WDFY4: variants seen among roughly 807,000 people sequenced by gnomAD.
WDFY4 encodes the protein WDFY family member 4.
A neutral mutation model predicts 351.9 loss-of-function variants in WDFY4; 169 were observed. That is an observed-to-expected ratio of 0.48 (90% CI 0.42 to 0.55). WDFY4 has a LOEUF of 0.55. WDFY4 is among the 20% of genes least tolerant of loss of function. WDFY4 has a pLI of 0.00. For missense variants in WDFY4, 3,803 were observed against 3,935.6 expected (o/e 0.97, Z 0.90); for synonymous variants, 1,622 against 1,574.6 (o/e 1.03, Z -0.71).
chr10:48,830,556 G>T, intron 37 of WDFY4, 144 bp from the exon 38 acceptor site: 1 of 895,338 alleles, frequency 1.1e-6, no homozygotes, highest in Non-Finnish European at 1.7e-6. Context: ...ATTGCTTCTC[G>T]CTGAAGCTTG....
chr10:48,699,583 G>A (rs895719309), intron 1 of WDFY4, among the ~76,000 whole-genome samples: 5 of 152,160 alleles, frequency 3.3e-5, no homozygotes, highest in African/African-American at 4.8e-5. Context: ...CCTGCTCCCA[G>A]CCTCAGTTTC....
At position 48,900,242 on chromosome 10, in the gene WDFY4, T is replaced by C. The variant is rs1308934672; in HGVS notation, c.7459T>C (p.Phe2487Leu). 12 of 1,551,616 alleles carry C rather than the reference T, an allele frequency of 7.7e-6. No individual in the cohort carries two copies. The highest frequency in any genetic ancestry group is 2.4e-5 in the South Asian group (2 of 84,064). Residue 2487 changes from phenylalanine (F) to leucine (L), a missense_variant, in exon 46 of 62, where the codon TTC becomes CTC. Phe to Leu is a conservative substitution (Grantham distance 22). Transcript: ENST00000325239. Reference protein sequence around the residue: ...LLQDIALEIFFHNGYSKFLVF... With the variant: ...LLQDIALEIFLHNGYSKFLVF... ...ACAGGACATCGCCCTGGAGATCTTC[T>C]TCCACAATGGATATTCCAAGTTTCT...
chr10:48,953,429 A>AGAAACTC (rs1005109184), intron 51 of WDFY4, among the ~76,000 whole-genome samples: 1 of 152,176 alleles, frequency 6.6e-6, no homozygotes, highest in Non-Finnish European at 1.5e-5. Flanking sequence ...AAAGAGATTA[A>AGAAACTC]GAAACTCACT....
At position 48,807,014 on chromosome 10, in the gene WDFY4, C is replaced by A. The variant is rs191773066; in HGVS notation, c.4739-845C>A. Reference sequence around the variant, plus strand: ...ATTATCTCTTATCCTTAGATCAAGCCGCAAGAAATTACTATTCCCATTTTG... The same window carrying A: ...ATTATCTCTTATCCTTAGATCAAGCAGCAAGAAATTACTATTCCCATTTTG... On this transcript the variant is annotated intron_variant, in intron 27 of 61. Coordinates refer to ENST00000325239, the MANE Select transcript of WDFY4 (RefSeq NM_001394531.1). Among the ~76,000 whole-genome samples, 406 of 152,148 alleles carry A rather than the reference C, an allele frequency of 2.7e-3. 1 individual carries two copies. The highest frequency in any genetic ancestry group is 9.0e-3 in the Admixed American group (138 of 15,302).
chr10:48,787,980 T>TCTTCTCCTTCTTCTCCTTCTC (rs2066540577), intron 20 of WDFY4, among the ~76,000 whole-genome samples: 1 of 52,936 alleles, frequency 1.9e-5, no homozygotes, highest in African/African-American at 7.8e-5. Flanking sequence ...TTCTTCTTCT[T>TCTTCTCCTTCTTCTCCTTCTC]CTTCTCCTTC....
Position 48,978,342 on chromosome 10 carries a change from C to T in WDFY4, c.9325C>T (p.Pro3109Ser). ...WKTEDVKMSVPGRPAGEEPPA... is the reference protein window; with the variant it reads ...WKTEDVKMSVSGRPAGEEPPA... ...GACTGAGGATGTGAAGATGTCTGTT[C>T]CTGGACGGCCAGCAGGAGAGGAGCC... Residue 3109 changes from proline (P) to serine (S), a missense_variant, in exon 60 of 62, where the codon CCT (proline) becomes TCT (serine). Pro to Ser is a moderately conservative substitution (Grantham distance 74). Around this residue, in one of 3 missense-constraint regions of WDFY4, gnomAD observed 3,054 missense variants for 3,148.6 expected, o/e 0.97. Coordinates refer to ENST00000325239, the MANE Select transcript of WDFY4 (RefSeq NM_001394531.1). The T allele has an allele frequency of 6.4e-7, 1 of 1,551,426 alleles. No individual in the cohort carries two copies.
At chr10:48,896,481 G>C (rs548695485) in intron 44 of WDFY4, among the ~76,000 whole-genome samples, 1 of 152,176 alleles carries the variant, frequency 6.6e-6, no homozygotes, top group Non-Finnish European at 1.5e-5. Context: ...GGTTTGACAC[G>C]AGACATCACT....
Position 48,743,107 on chromosome 10 carries a change from C to A in WDFY4, c.2018C>A (p.Ser673Tyr). ...EPPLQAWGAV[S>Y]PRQTLELVLY... ...CCGCTGCAGGCATGGGGAGCAGTAT[C>A]CCCCAGACAGACCCTGGAGCTGGTT... Residue 673 changes from serine (S) to tyrosine (Y), a missense_variant, in exon 12 of 62, where the codon TCC (serine) becomes TAC (tyrosine). Physicochemically the swap from Ser to Tyr is moderately radical, Grantham distance 144. Coordinates refer to ENST00000325239, the MANE Select transcript of WDFY4 (RefSeq NM_001394531.1). 6.4e-7 allele frequency: 1 copy of A among 1,551,682 alleles called. No homozygotes were observed. Among genetic ancestry groups the A allele is most frequent in the Non-Finnish European group, 8.7e-7 (1 of 1,146,984 alleles).
rs1054205739 is a variant in WDFY4, at chr10:48,796,371, C to T, written c.4331C>T (p.Ala1444Val). ...HRIFQLILSV[A>V]GTVELGFRSS... ...ATTTTTCAGCTGATCCTCTCAGTGGCTGGCACTGTGGAGCTGGGCTTCAGG... is the reference window on the plus strand; with the variant it reads ...ATTTTTCAGCTGATCCTCTCAGTGGTTGGCACTGTGGAGCTGGGCTTCAGG... The change falls in exon 24 of 62, where the codon GCT becomes GTT. Residue 1444 changes from alanine to valine, a missense_variant. Ala to Val is a moderately conservative substitution (Grantham distance 64, BLOSUM62 0). Around this residue, in one of 3 missense-constraint regions of WDFY4, gnomAD observed 3,054 missense variants for 3,148.6 expected, o/e 0.97. Transcript: ENST00000325239. 2.6e-6 allele frequency: 4 copies of T among 1,552,310 alleles called. No individual in the cohort carries two copies. Among genetic ancestry groups the T allele is most frequent in the Non-Finnish European group, 3.5e-6 (4 of 1,147,128 alleles).
intron 2 of WDFY4, among the ~76,000 whole-genome samples, chr10:48,711,377 C>G (rs747328171): frequency 6.6e-6 from 1 of 152,190 alleles, no homozygotes; most frequent in Non-Finnish European, 1.5e-5. Flanking sequence ...CCTGACAGCC[C>G]CAGATTCTGG....
rs1589508782 is a variant in WDFY4 at position 48,745,862 on chromosome 10, G to T, written c.2459+2314G>T. 5 of 318,706 alleles carry T rather than the reference G, an allele frequency of 1.6e-5. No homozygotes were observed. In the South Asian group the frequency reaches 1.7e-4, roughly 11 times the overall value. 19.7% of individuals were successfully genotyped at this position (318,706 alleles called of 1,614,324 possible). A position where few individuals can be genotyped will look rare whatever the true frequency, so the allele number is the denominator to read the frequency against. On this transcript the variant is annotated intron_variant, in intron 12 of 61. Coordinates refer to ENST00000325239, the MANE Select transcript of WDFY4 (RefSeq NM_001394531.1). ...CGTCCAAGGCAGCCTGGCCTCGCTG[G>T]GCCTTGCGGACCGCGGGCCCTGCAC...
intron 4 of WDFY4, among the ~76,000 whole-genome samples, chr10:48,722,740 G>T (rs1040202807): frequency 1.3e-5 from 2 of 152,190 alleles, no homozygotes; most frequent in Non-Finnish European, 2.9e-5. Flanking sequence ...ACACACAGAG[G>T]GTGCAGGTGC....
chr10:48,899,341 A>T (rs1837242603), intron 45 of WDFY4, among the ~76,000 whole-genome samples: 1 of 152,220 alleles, frequency 6.6e-6, no homozygotes, highest in African/African-American at 2.4e-5. Context: ...GAGAGAAGGT[A>T]TGCAACATCC....
chr10:48,861,257 G>C (rs1158711099), intron 39 of WDFY4, among the ~76,000 whole-genome samples: 1 of 152,130 alleles, frequency 6.6e-6, no homozygotes, highest in Admixed American at 6.6e-5. Context: ...GATGTATACT[G>C]TATCTACCCA....
chr10:48,886,465 A>T (rs2070459378), intron 43 of WDFY4, among the ~76,000 whole-genome samples: 1 of 152,210 alleles, frequency 6.6e-6, no homozygotes, highest in African/African-American at 2.4e-5. Context: ...TCATGAATAG[A>T]TTAATGCCAT....
At chr10:48,831,330 G>A (rs975657942) in intron 38 of WDFY4, among the ~76,000 whole-genome samples, 1 of 152,176 alleles carries the variant, frequency 6.6e-6, no homozygotes, top group African/African-American at 2.4e-5. Context: ...ATTCTATTCT[G>A]TTAGTGACCT....
intron 12 of WDFY4, 101 bp downstream of exon 12, chr10:48,743,649 T>C (rs747533038): frequency 2.8e-4 from 368 of 1,326,140 alleles, no homozygotes; most frequent in Non-Finnish European, 3.5e-4. Context: ...AGCTACAGAA[T>C]GGGTGTGCAG....
At chr10:48,786,569 A>G in intron 19 of WDFY4, 70 bp from the exon 20 acceptor site, 1 of 1,184,884 alleles carries the variant, frequency 8.4e-7, no homozygotes, top group Non-Finnish European at 1.2e-6. Flanking sequence ...ATCATGTTAT[A>G]TCACTTTGTA....
chr10:48,892,972 AAAAC>A (rs992044619), intron 44 of WDFY4, among the ~76,000 whole-genome samples: 4 of 152,364 alleles, frequency 2.6e-5, no homozygotes, highest in South Asian at 2.1e-4. Context: ...TGGGTGGCAA[AAAAC>A]AAACAAATGC....
Sources: gnomAD v4.1 joint callset for allele counts (sites outside exome capture counted in the v4.1 genomes callset) on GRCh38, gnomAD v4.1.1 for gene constraint, gnomAD v4.1.1 regional missense constraint, MANE v1.5 for transcripts, NCBI Gene and HGNC (gene_info 2026-07-23, HGNC 2026-07-21) for gene names.